Variants in ZNF385D observed in about 807,000 individuals in gnomAD.
The protein encoded by ZNF385D is zinc finger protein 385D.
Under a neutral mutation model 35.8 loss-of-function variants are expected in ZNF385D, and 15 were observed. The observed-to-expected ratio is 0.42, with a 90% CI of 0.28 to 0.64. The LOEUF is 0.64. ZNF385D is among the 30% of genes least tolerant of loss of function. The pLI is 0.23. For missense variants in ZNF385D, 474 were observed against 494.6 expected (o/e 0.96, Z 0.39); for synonymous variants, 212 against 186.8 (o/e 1.13, Z -1.10).
chr3:21,529,733 T>A (rs2061877714), intron 3 of ZNF385D, among the ~76,000 whole-genome samples: 1 of 152,208 alleles, frequency 6.6e-6, no homozygotes, highest in Non-Finnish European at 1.5e-5. Flanking sequence ...CATTAGTCAT[T>A]AAGTCTTATT....
intron 3 of ZNF385D, chr3:21,777,767 C>T (rs1268837542): frequency 6.6e-6 from 1 of 151,872 alleles, no homozygotes; most frequent in African/African-American, 2.4e-5. Flanking sequence ...ACCAGTTTGA[C>T]TAATAGAATG....
At chr3:22,284,944 T>C (rs1186189310) in intron 2 of ZNF385D, among the ~76,000 whole-genome samples, 1 of 151,968 alleles carries the variant, frequency 6.6e-6, no homozygotes, top group African/African-American at 2.4e-5. Flanking sequence ...CATCAACAAA[T>C]GAATGTGGAA....
intron 3 of ZNF385D, among the ~76,000 whole-genome samples, chr3:22,075,971 G>A (rs1337115334): frequency 6.6e-6 from 1 of 151,844 alleles, no homozygotes; most frequent in Non-Finnish European, 1.5e-5. Flanking sequence ...AATTCCCCAT[G>A]CCCAAAAGAC....
intron 1 of ZNF385D, among the ~76,000 whole-genome samples, chr3:21,741,552 A>G (rs1215356213): frequency 6.6e-6 from 1 of 152,178 alleles, no homozygotes; most frequent in East Asian, 1.9e-4. Context: ...CATAAGTTGT[A>G]AATTGTCACA....
intron 3 of ZNF385D, among the ~76,000 whole-genome samples, chr3:21,865,316 T>G (rs1697287808): frequency 6.6e-6 from 1 of 152,032 alleles, no homozygotes; most frequent in South Asian, 2.1e-4. Flanking sequence ...TAGTTTTGTT[T>G]AGAATTTGTG....
chr3:21,940,413 G>A (rs945885808), intron 3 of ZNF385D, among the ~76,000 whole-genome samples: 3 of 152,214 alleles, frequency 2.0e-5, no homozygotes, highest in Non-Finnish European at 4.4e-5. Flanking sequence ...TAAATTGGAT[G>A]TGAAGATTAG....
chr3:21,958,245 C>A (rs991428436), intron 3 of ZNF385D, among the ~76,000 whole-genome samples: 10 of 152,058 alleles, frequency 6.6e-5, no homozygotes, highest in African/African-American at 2.4e-4. Flanking sequence ...GAGGTGATCA[C>A]ATTAAGAAGA....
intron 2 of ZNF385D, among the ~76,000 whole-genome samples, chr3:22,324,073 A>T (rs1481600805): frequency 6.6e-6 from 1 of 151,860 alleles, no homozygotes; most frequent in Non-Finnish European, 1.5e-5. Context: ...ATAAAATTCC[A>T]TAATTGTGCT....
intron 2 of ZNF385D, among the ~76,000 whole-genome samples, chr3:22,180,877 T>C (rs1004408405): frequency 1.3e-5 from 2 of 149,942 alleles, no homozygotes; most frequent in Non-Finnish European, 3.0e-5. Flanking sequence ...GTGATGAAGA[T>C]TTCGGCTTGT....
chr3:22,178,641 AC>A (rs1694999482), intron 2 of ZNF385D, among the ~76,000 whole-genome samples: 1 of 152,102 alleles, frequency 6.6e-6, no homozygotes, highest in African/African-American at 2.4e-5. Flanking sequence ...GGTGTTTTAG[AC>A]ATGAAGTCCT....
chr3:22,148,125 A>C (rs1368518686), intron 3 of ZNF385D, among the ~76,000 whole-genome samples: 1 of 152,140 alleles, frequency 6.6e-6, no homozygotes, highest in Non-Finnish European at 1.5e-5. Context: ...TTTATATAAC[A>C]ACCCTCATAT....
intron 3 of ZNF385D, among the ~76,000 whole-genome samples, chr3:21,938,344 T>A (rs1701359939): frequency 6.6e-6 from 1 of 152,164 alleles, no homozygotes; most frequent in South Asian, 2.1e-4. Context: ...CACTGAAGTG[T>A]ATCAGGTCCA....
At chr3:22,108,536 G>A (rs1387155297) in intron 3 of ZNF385D, among the ~76,000 whole-genome samples, 1 of 152,114 alleles carries the variant, frequency 6.6e-6, no homozygotes, top group Non-Finnish European at 1.5e-5. Flanking sequence ...TGAGTGCAAT[G>A]CATGTGGAAC....
intron 3 of ZNF385D, among the ~76,000 whole-genome samples, chr3:21,768,156 T>A (rs1379379268): frequency 6.6e-6 from 1 of 152,026 alleles, no homozygotes; most frequent in Non-Finnish European, 1.5e-5. Flanking sequence ...GCCATTCCTG[T>A]CATGGGACTT....
chr3:21,813,265 A>G (rs1270473669), intron 3 of ZNF385D, among the ~76,000 whole-genome samples: 1 of 152,210 alleles, frequency 6.6e-6, no homozygotes, highest in Non-Finnish European at 1.5e-5. Flanking sequence ...GAAAAGCTGA[A>G]AATTCTAAGA....
chr3:21,664,236 A>G (rs1393129982), intron 2 of ZNF385D, among the ~76,000 whole-genome samples: 1 of 152,136 alleles, frequency 6.6e-6, no homozygotes, highest in Non-Finnish European at 1.5e-5. Context: ...TGCATCTGCC[A>G]ACTTACAAAA....
intron 1 of ZNF385D, among the ~76,000 whole-genome samples, chr3:21,673,600 C>T: frequency 6.6e-6 from 1 of 152,136 alleles, no homozygotes; most frequent in East Asian, 1.9e-4. Context: ...AGAAAGAAAT[C>T]ATCGTCCATT....
At chr3:21,421,641 A>G (rs1700744698) in intron 7 of ZNF385D, among the ~76,000 whole-genome samples, 194 bp from the exon 8 acceptor site, 1 of 152,240 alleles carries the variant, frequency 6.6e-6, no homozygotes, top group Non-Finnish European at 1.5e-5. Context: ...AGATACCTGA[A>G]AATGGCCAAC....
At chr3:22,303,201 G>T (rs1182423808) in intron 2 of ZNF385D, among the ~76,000 whole-genome samples, 2 of 152,110 alleles carry the variant, frequency 1.3e-5, no homozygotes, top group Non-Finnish European at 2.9e-5. Flanking sequence ...AGCCTCTCTT[G>T]CAGCTACATG....
Sources: gnomAD v4.1 joint callset for allele counts (sites outside exome capture counted in the v4.1 genomes callset) on GRCh38, gnomAD v4.1.1 for gene constraint, MANE v1.5 for transcripts, NCBI Gene and HGNC (gene_info 2026-07-23, HGNC 2026-07-21) for gene names.